DLEU7: variants seen among roughly 807,000 people sequenced by gnomAD.
DLEU7 encodes the protein leukemia-associated protein 7.
Under a neutral mutation model 16.0 loss-of-function variants are expected in DLEU7, and 17 were observed. The ratio of observed to expected loss-of-function variants is 1.06; its 90% CI spans 0.73 to 1.59. The LOEUF (loss-of-function observed/expected upper bound fraction) is 1.59. Among genes scored for constraint, DLEU7 ranks in the 40% most tolerant of loss-of-function variants. The pLI is 0.00. For synonymous variants in DLEU7, 113 were observed against 139.8 expected (o/e 0.81, Z 1.35); for missense variants, 308 against 314.9 (o/e 0.98, Z 0.17).
At chr13:50,821,691 A>G (rs911480019), downstream of DLEU7, among the ~76,000 whole-genome samples, 42 of 151,974 alleles carry the variant, frequency 2.8e-4, no homozygotes, top group African/African-American at 9.9e-4. Flanking sequence ...GCACAAGCAC[A>G]GACAGAAAAT....
chr13:50,843,415 G>A lies in DLEU7; in HGVS notation c.232C>T (p.Arg78Trp), dbSNP rs557036630. Reference protein sequence around the residue: ...RGGGVGTRSRRTAARANSPEE... With the variant: ...RGGGVGTRSRWTAARANSPEE... Reference sequence around the variant, plus strand: ...GGGGAGTTCGCCCGCGCCGCGGTCCGCCGACTCCTGGTCCCCACGCCCCCG... The same window carrying A: ...GGGGAGTTCGCCCGCGCCGCGGTCCACCGACTCCTGGTCCCCACGCCCCCG... Residue 78 changes from arginine to tryptophan, a missense_variant, in exon 1 of 2, where the codon CGG (arginine) becomes TGG (tryptophan). By Grantham distance (101) the Arg-to-Trp change is moderately radical. Coordinates refer to ENST00000504404, the MANE Select transcript of DLEU7 (RefSeq NM_001306135.2). The surrounding 1 kb of genome is among the most constrained non-coding windows in gnomAD (Gnocchi z 5.7). 2.9e-4 allele frequency: 387 copies of A among 1,317,526 alleles called. 1 individual carries two copies. The African/African-American group carries it at 5.4e-3, about 18-fold the overall frequency. The allele number at this position is 1,317,526 out of a possible 1,614,324, so 81.6% of individuals were successfully genotyped here.
Position 50,823,313 on chromosome 13 carries a change from C to G in DLEU7, c.*1G>C. On this transcript the variant is annotated 3_prime_UTR_variant, in exon 2 of 2. Coordinates refer to ENST00000504404, the MANE Select transcript of DLEU7 (RefSeq NM_001306135.2). ...GGTTTTACTCCCGATGCCTTTAACA[C>G]TCATATGTCTGGGAGATTCTGTAAG... The G allele has an allele frequency of 6.5e-7, 1 of 1,535,432 alleles. No individual in the cohort carries two copies. The highest frequency in any genetic ancestry group is 8.7e-7 in the Non-Finnish European group (1 of 1,146,346).
chr13:50,840,277 T>A (rs73497572), intron 1 of DLEU7, among the ~76,000 whole-genome samples: 6,081 of 152,294 alleles, frequency 0.04, 410 homozygotes, highest in African/African-American at 0.13. Flanking sequence ...GTCATTTGAA[T>A]TAACACTAGT....
At chr13:50,749,387 G>T (rs1874494537) in intron 1 of DLEU7, among the ~76,000 whole-genome samples, 1 of 152,092 alleles carries the variant, frequency 6.6e-6, no homozygotes, top group Non-Finnish European at 1.5e-5. Flanking sequence ...AAATTGTGTT[G>T]CTATAAACAT....
intron 1 of DLEU7, among the ~76,000 whole-genome samples, chr13:50,806,509 A>G (rs1876395112): frequency 6.6e-6 from 1 of 152,144 alleles, no homozygotes; most frequent in Non-Finnish European, 1.5e-5. Flanking sequence ...TGTATTAGTA[A>G]GGAAAAATTT....
intron 1 of DLEU7, among the ~76,000 whole-genome samples, chr13:50,744,309 C>T (rs1410059393): frequency 2.0e-5 from 3 of 152,310 alleles, no homozygotes; most frequent in African/African-American, 7.2e-5. Context: ...CGACTTTCTA[C>T]AGTTACTATC....
intron 1 of DLEU7, among the ~76,000 whole-genome samples, chr13:50,806,517 T>A (rs986131316): frequency 1.3e-5 from 2 of 152,048 alleles, no homozygotes; most frequent in African/African-American, 4.8e-5. Flanking sequence ...TAAGGAAAAA[T>A]TTGTTTTATA....
At chr13:50,791,885 T>C (rs1265747809) in intron 1 of DLEU7, among the ~76,000 whole-genome samples, 1 of 152,238 alleles carries the variant, frequency 6.6e-6, no homozygotes, top group Admixed American at 6.5e-5. Context: ...CCTTTTCCTA[T>C]GACAGTGATA....
At chr13:50,835,611 C>T (rs1383740128) in intron 1 of DLEU7, among the ~76,000 whole-genome samples, 3 of 152,180 alleles carry the variant, frequency 2.0e-5, no homozygotes, top group African/African-American at 7.2e-5. Context: ...AGGCATCGAA[C>T]CTTCTACACC....
chr13:50,735,868 A>G (rs1229943801), intron 1 of DLEU7, among the ~76,000 whole-genome samples: 1 of 152,198 alleles, frequency 6.6e-6, no homozygotes, highest in Non-Finnish European at 1.5e-5. Flanking sequence ...GATGCTGGCA[A>G]GGTTGCAGAG....
intron 1 of DLEU7, among the ~76,000 whole-genome samples, chr13:50,735,959 T>A (rs1262257932): frequency 6.6e-6 from 1 of 152,124 alleles, no homozygotes; most frequent in African/African-American, 2.4e-5. Context: ...ATTCCTCGAA[T>A]AGCTAAAAAC....
intron 1 of DLEU7, among the ~76,000 whole-genome samples, chr13:50,793,304 C>T (rs2137775496): frequency 6.6e-6 from 1 of 152,194 alleles, no homozygotes; most frequent in African/African-American, 2.4e-5. Flanking sequence ...TGGGTTGATT[C>T]CATACCATTG....
chr13:50,765,623 A>C (rs1263196993), intron 1 of DLEU7, among the ~76,000 whole-genome samples: 2 of 152,200 alleles, frequency 1.3e-5, no homozygotes, highest in Non-Finnish European at 2.9e-5. Flanking sequence ...GAAAGGAAGA[A>C]GACCAGGAGA....
In DLEU7 at chr13:50,843,486, G is replaced by A; in HGVS notation, c.161C>T (p.Ser54Leu). 1 of 1,357,256 alleles carries A rather than the reference G, an allele frequency of 7.4e-7. No individual in the cohort carries two copies. Among genetic ancestry groups the A allele is most frequent in the East Asian group, 3.1e-5 (1 of 32,020 alleles). The allele number at this position is 1,357,256 out of a possible 1,614,324, so 84.1% of individuals were successfully genotyped here. Residue 54 changes from serine (S) to leucine (L), a missense_variant, in exon 1 of 2, where the codon TCA becomes TTA. Coordinates refer to ENST00000504404, the MANE Select transcript of DLEU7 (RefSeq NM_001306135.2). The surrounding 1 kb of genome is among the most constrained non-coding windows in gnomAD (Gnocchi z 5.7). ...DHVSTAPARRSGPPRARPGPG... is the reference protein window; with the variant it reads ...DHVSTAPARRLGPPRARPGPG... ...CCCCGGCCGGGCCCGCGGCGGGCCT[G>A]AGCGACGGGCTGGAGCGGTGGACAC...
At chr13:50,737,145 TAATACAA>T (rs1566233669) in intron 1 of DLEU7, among the ~76,000 whole-genome samples, 1 of 152,036 alleles carries the variant, frequency 6.6e-6, no homozygotes, top group Non-Finnish European at 1.5e-5. Flanking sequence ...AATAAAACCT[TAATACAA>T]AAACCTGTCA....
At chr13:50,766,187 TA>T (rs913694939) in intron 1 of DLEU7, among the ~76,000 whole-genome samples, 2 of 152,206 alleles carry the variant, frequency 1.3e-5, no homozygotes, top group Non-Finnish European at 1.5e-5. Context: ...TTAAGTCATG[TA>T]AAAGCAACAG....
chr13:50,766,476 TTCCTACTCC>T (rs1566244069), intron 1 of DLEU7, among the ~76,000 whole-genome samples: 3 of 147,346 alleles, frequency 2.0e-5, no homozygotes, highest in Admixed American at 6.8e-5. Context: ...CTTCCTTCTC[TTCCTACTCC>T]TCCTCTTAAT....
intron 1 of DLEU7, among the ~76,000 whole-genome samples, chr13:50,773,745 G>A (rs771025304): frequency 5.3e-5 from 8 of 152,200 alleles, no homozygotes; most frequent in Admixed American, 4.6e-4. Context: ...CCCACTTGAG[G>A]AGGCAGTCTG....
intron 1 of DLEU7, among the ~76,000 whole-genome samples, chr13:50,829,866 T>C (rs1877207462): frequency 6.6e-6 from 1 of 152,208 alleles, no homozygotes; most frequent in South Asian, 2.1e-4. Flanking sequence ...AAACTTCTGC[T>C]GAGTCTGCAA....
Sources: allele counts gnomAD v4.1 joint callset (sites outside exome capture counted in the v4.1 genomes callset), GRCh38; gene constraint gnomAD v4.1.1; non-coding constraint Gnocchi (gnomAD v3.1); transcripts MANE v1.5; gene names NCBI Gene and HGNC (gene_info 2026-07-23, HGNC 2026-07-21).